Variants in ZNF8 observed in about 807,000 individuals in gnomAD.
ZNF8 encodes zinc finger protein 8, also known as zinc finger protein 272.
Under a neutral mutation model 12.2 loss-of-function variants are expected in ZNF8, and 9 were observed. That is an observed-to-expected ratio of 0.73 (90% CI 0.44 to 1.28). The LOEUF (loss-of-function observed/expected upper bound fraction) is 1.28. Among genes scored for constraint, ZNF8 ranks in the 50% most tolerant of loss-of-function variants. The probability of loss-of-function intolerance (pLI) is 0.00; values close to 1 mark genes in which losing one functional copy is unlikely to be tolerated. For synonymous variants in ZNF8, 274 were observed against 282.3 expected, an observed-to-expected ratio of 0.97 and a Z score of 0.30; for missense variants, 664 against 729.1, an observed-to-expected ratio of 0.91 and a Z score of 1.03.
At position 58,294,373 on chromosome 19, in the gene ZNF8, A is replaced by G; in HGVS notation, c.565A>G (p.Asn189Asp). 1.9e-6 allele frequency: 3 copies of G among 1,614,094 alleles called. No individual in the cohort carries two copies. Among genetic ancestry groups the G allele is most frequent in the East Asian group, 2.2e-5 (1 of 44,880 alleles). ...AAACTGCGTCCTGAGTTCAAGCCCA[A>G]ATCCATTCCCAGAGATCTCTAGAGG... ...RENCVLSSSP[N>D]PFPEISRGEY... The change falls in exon 4 of 4, where the codon AAT (asparagine) becomes GAT (aspartate). Residue 189 changes from asparagine to aspartate, a missense_variant. By Grantham distance (23) the Asn-to-Asp change is conservative. Around this residue, in one of 3 missense-constraint regions of ZNF8, gnomAD observed 306 missense variants for 308.7 expected, o/e 0.99. Transcript: ENST00000621650. The surrounding 1 kb of genome is among the most constrained non-coding windows in gnomAD (Gnocchi z 5.5).
At position 58,297,788 on chromosome 19, in the gene ZNF8, T is replaced by G. The variant is rs8107581; in HGVS notation, c.*2252T>G. On this transcript the variant is annotated 3_prime_UTR_variant, in exon 4 of 4. Transcript: ENST00000621650. ...CCATCTACCTCCCCACCATTCTCCT[T>G]CCCTGGATATATATATAACCATGTT... is the stretch of plus-strand genomic sequence containing the variant. 0.64 allele frequency: 97,987 copies of G among 152,106 alleles called. 32,598 individuals carry two copies. Among genetic ancestry groups the G allele is most frequent in the African/African-American group, 0.8 (33,332 of 41,504 alleles). The allele number at this position is 152,106 out of a possible 1,614,324, so 9.4% of individuals were successfully genotyped here.
chr19:58,294,658 C>T lies in ZNF8; in HGVS notation c.850C>T (p.Pro284Ser). The change falls in exon 4 of 4, where the codon CCT becomes TCT. Residue 284 changes from proline to serine, a missense_variant. Around this residue, in one of 3 missense-constraint regions of ZNF8, gnomAD observed 133 missense variants for 198.4 expected, o/e 0.67. Coordinates refer to ENST00000621650, the MANE Select transcript of ZNF8 (RefSeq NM_021089.3). The surrounding 1 kb of genome is among the most constrained non-coding windows in gnomAD (Gnocchi z 5.5). ...VHKRIHTGERPYMCKECGKAF... is the reference protein window; with the variant it reads ...VHKRIHTGERSYMCKECGKAF... Reference sequence around the variant, plus strand: ...CAAGAGGATTCATACGGGAGAAAGACCTTATATGTGCAAGGAGTGTGGGAA... The same window carrying T: ...CAAGAGGATTCATACGGGAGAAAGATCTTATATGTGCAAGGAGTGTGGGAA... 2 of 1,614,180 alleles carry T rather than the reference C, an allele frequency of 1.2e-6. No individual in the cohort carries two copies. Among genetic ancestry groups the T allele is most frequent in the East Asian group, 2.2e-5 (1 of 44,888 alleles).
Position 58,301,752 on chromosome 19 carries a change from C to T in ZNF8, c.*6216C>T, listed in dbSNP as rs990989034. On this transcript the variant is annotated 3_prime_UTR_variant, in exon 4 of 4. Transcript: ENST00000621650. ...GATGAAGCAATCAACTGGAACTCAA[C>T]AAGCCTTGAGTTCTCAAAGGGGGTG... is the stretch of plus-strand genomic sequence containing the variant. The T allele has an allele frequency of 6.6e-6, 1 of 152,198 alleles. No homozygotes were observed. Among genetic ancestry groups the T allele is most frequent in the Non-Finnish European group, 1.5e-5 (1 of 68,030 alleles). 9.4% of individuals were successfully genotyped at this position (152,198 alleles called of 1,614,324 possible). A position where few individuals can be genotyped will look rare whatever the true frequency, so the allele number is the denominator to read the frequency against.
chr19:58,291,275 C>CAGGGAA (rs962694648), intron 3 of ZNF8, among the ~76,000 whole-genome samples: 1 of 152,192 alleles, frequency 6.6e-6, no homozygotes, highest in Non-Finnish European at 1.5e-5. Context: ...ATCAACTGCT[C>CAGGGAA]ACCCTCTCTC....
At chr19:58,290,248 C>G (rs577649691) in intron 3 of ZNF8, among the ~76,000 whole-genome samples, 6 of 148,552 alleles carry the variant, frequency 4.0e-5, no homozygotes, top group African/African-American at 1.5e-4. Flanking sequence ...GTAGCTGGGA[C>G]TACAGGTGCC....
rs144259440 is a variant in ZNF8, at chr19:58,294,359, T to C, written c.551T>C (p.Leu184Pro). 2,777 of 1,614,152 alleles carry C rather than the reference T, an allele frequency of 1.7e-3. 7 individuals carry two copies. Among genetic ancestry groups the C allele is most frequent in the Non-Finnish European group, 2.1e-3 (2,449 of 1,180,030 alleles). Residue 184 changes from leucine (L) to proline (P), a missense_variant, in exon 4 of 4, where the codon CTG (leucine) becomes CCG (proline). Physicochemically the swap from Leu to Pro is moderately conservative, Grantham distance 98 (BLOSUM62 -3). Around this residue, in one of 3 missense-constraint regions of ZNF8, gnomAD observed 306 missense variants for 308.7 expected, o/e 0.99. Coordinates refer to ENST00000621650, the MANE Select transcript of ZNF8 (RefSeq NM_021089.3). The surrounding 1 kb of genome is among the most constrained non-coding windows in gnomAD (Gnocchi z 5.5). ...CTCAGACTCAGGGAAAACTGCGTCC[T>C]GAGTTCAAGCCCAAATCCATTCCCA... ...KTLRLRENCVLSSSPNPFPEI... is the reference protein window; with the variant it reads ...KTLRLRENCVPSSSPNPFPEI...
chr19:58,295,211 A>G lies in ZNF8; in HGVS notation c.1403A>G (p.Lys468Arg). 1 of 1,614,220 alleles carries G rather than the reference A, an allele frequency of 6.2e-7. No individual in the cohort carries two copies. Among genetic ancestry groups the G allele is most frequent in the Admixed American group, 1.7e-5 (1 of 60,028 alleles). ...ACTCACCGAAGCGACAGACCCTTCA[A>G]ATGTAATCAGTGTGGGAAGTGTTTC... is the stretch of plus-strand genomic sequence containing the variant. Reference protein sequence around the residue: ...ERTHRSDRPFKCNQCGKCFIQ... With the variant: ...ERTHRSDRPFRCNQCGKCFIQ... The change falls in exon 4 of 4, where the codon AAA becomes AGA. Residue 468 changes from lysine (K) to arginine (R), a missense_variant. Lys to Arg is a conservative substitution (Grantham distance 26). Around this residue, in one of 3 missense-constraint regions of ZNF8, gnomAD observed 225 missense variants for 222.0 expected, o/e 1.01. Transcript: ENST00000621650.
At chr19:58,285,913 A>G in intron 2 of ZNF8, 70 bp downstream of exon 2, 1 of 1,547,254 alleles carries the variant, frequency 6.5e-7, no homozygotes, top group South Asian at 1.3e-5. Context: ...CTCTGGTGTG[A>G]GGACCTGACC....
At position 58,299,278 on chromosome 19, in the gene ZNF8, A is replaced by G. The variant is rs1485797655; in HGVS notation, c.*3742A>G. The G allele has an allele frequency of 6.6e-6, 1 of 151,382 alleles. No individual in the cohort carries two copies. Among genetic ancestry groups the G allele is most frequent in the Non-Finnish European group, 1.5e-5 (1 of 67,904 alleles). 9.4% of individuals were successfully genotyped at this position (151,382 alleles called of 1,614,324 possible). A position where few individuals can be genotyped will look rare whatever the true frequency, so the allele number is the denominator to read the frequency against. ...CAGGCGCCCGCCACCACGCCCGGCA[A>G]ATTTTTTGCGTTTTTAGTAGAGACG... is the stretch of plus-strand genomic sequence containing the variant. On this transcript the variant is annotated 3_prime_UTR_variant, in exon 4 of 4. Coordinates refer to ENST00000621650, the MANE Select transcript of ZNF8 (RefSeq NM_021089.3).
In ZNF8 at chr19:58,278,976, C is replaced by T. The variant is rs997247577; in HGVS notation, c.-106C>T. The T allele has an allele frequency of 3.9e-6, 5 of 1,294,326 alleles. No individual in the cohort carries two copies. Among genetic ancestry groups the T allele is most frequent in the African/African-American group, 1.5e-5 (1 of 65,360 alleles). The allele number at this position is 1,294,326 out of a possible 1,614,324, so 80.2% of individuals were successfully genotyped here. A position where few individuals can be genotyped will look rare whatever the true frequency, so the allele number is the denominator to read the frequency against. ...AGTTGTAGTCGCCGCGTCGCCGGTGCGGCCGCCATTGTCCGGCGTTCGGCG... is the reference window on the plus strand; with the variant it reads ...AGTTGTAGTCGCCGCGTCGCCGGTGTGGCCGCCATTGTCCGGCGTTCGGCG... On this transcript the variant is annotated 5_prime_UTR_variant, in exon 1 of 4. Coordinates refer to ENST00000621650, the MANE Select transcript of ZNF8 (RefSeq NM_021089.3).
intron 1 of ZNF8, among the ~76,000 whole-genome samples, chr19:58,284,656 C>T (rs2051371793): frequency 6.6e-6 from 1 of 152,170 alleles, no homozygotes; most frequent in African/African-American, 2.4e-5. Flanking sequence ...CGAGACCAAC[C>T]TGGCCAACAT....
rs1192472299 is a variant in ZNF8 at position 58,302,442 on chromosome 19, TACAC to T, written c.*6910_*6913del. Reference sequence around the variant, plus strand: ...TACATAGTGTACACTAAATTTTACATACACACAGAGGAATATATATGTGTATAGT... The same window carrying T: ...TACATAGTGTACACTAAATTTTACATACAGAGGAATATATATGTGTATAGT... On this transcript the variant is annotated 3_prime_UTR_variant, in exon 4 of 4. Transcript: ENST00000621650. 5.3e-5 allele frequency: 8 copies of T among 152,274 alleles called. No individual in the cohort carries two copies. Among genetic ancestry groups the T allele is most frequent in the Admixed American group, 1.3e-4 (2 of 15,290 alleles). 9.4% of individuals were successfully genotyped at this position (152,274 alleles called of 1,614,324 possible).
rs758738706 is a variant in ZNF8 at position 58,295,520 on chromosome 19, T to G, written c.1712T>G (p.Ile571Ser). 6.2e-7 allele frequency: 1 copy of G among 1,601,818 alleles called. No individual in the cohort carries two copies. Among genetic ancestry groups the G allele is most frequent in the South Asian group, 1.1e-5 (1 of 90,028 alleles). ...PSVGASMLFD[I>S]REST ...GTGGGTGCTTCCATGTTATTTGACA[T>G]CAGAGAATCCACATAGGAGAGAAAC... Residue 571 changes from isoleucine to serine, a missense_variant, in exon 4 of 4, where the codon ATC becomes AGC. Transcript: ENST00000621650.
Position 58,302,309 on chromosome 19 carries a change from T to C in ZNF8, c.*6773T>C, listed in dbSNP as rs751542667. ...ATAAAAGTAAAAAAAAAATGAAAAC[T>C]TGTGTAAAATTCCTCATACTTTAGC... On this transcript the variant is annotated 3_prime_UTR_variant, in exon 4 of 4. Transcript: ENST00000621650. 6.6e-6 allele frequency: 1 copy of C among 152,202 alleles called. No homozygotes were observed. The highest frequency in any genetic ancestry group is 1.5e-5 in the Non-Finnish European group (1 of 68,034). 9.4% of individuals were successfully genotyped at this position (152,202 alleles called of 1,614,324 possible).
intron 1 of ZNF8, among the ~76,000 whole-genome samples, chr19:58,285,509 T>G (rs932680037): frequency 3.3e-5 from 5 of 152,168 alleles, no homozygotes; most frequent in African/African-American, 9.7e-5. Flanking sequence ...TTGTTGATCT[T>G]GGTGAGTCCT....
At position 58,294,343 on chromosome 19, in the gene ZNF8, A is replaced by G. The variant is rs2147960982; in HGVS notation, c.535A>G (p.Arg179Gly). 1 of 1,614,178 alleles carries G rather than the reference A, an allele frequency of 6.2e-7. No homozygotes were observed. The highest frequency in any genetic ancestry group is 8.5e-7 in the Non-Finnish European group (1 of 1,180,030). ...QDQGYKTLRL[R>G]ENCVLSSSPN... ...TCAAGGCTACAAAACTCTCAGACTCAGGGAAAACTGCGTCCTGAGTTCAAG... is the reference window on the plus strand; with the variant it reads ...TCAAGGCTACAAAACTCTCAGACTCGGGGAAAACTGCGTCCTGAGTTCAAG... Residue 179 changes from arginine (R) to glycine (G), a missense_variant, in exon 4 of 4, where the codon AGG (arginine) becomes GGG (glycine). By Grantham distance (125) the Arg-to-Gly change is moderately radical. Coordinates refer to ENST00000621650, the MANE Select transcript of ZNF8 (RefSeq NM_021089.3). The surrounding 1 kb of genome is among the most constrained non-coding windows in gnomAD (Gnocchi z 5.5).
At position 58,286,112 on chromosome 19, in the gene ZNF8, C is replaced by A; in HGVS notation, c.196C>A (p.Pro66Thr). Residue 66 changes from proline to threonine, a missense_variant and splice_region_variant, in exon 3 of 4, where the codon CCT becomes ACT. Around this residue, in one of 3 missense-constraint regions of ZNF8, gnomAD observed 306 missense variants for 308.7 expected, o/e 0.99. Coordinates refer to ENST00000621650, the MANE Select transcript of ZNF8 (RefSeq NM_021089.3). ...CCTGTGTTTTTCCCCATTTCCAGGT[C>A]CTGAGCTTCCGAAGCCTGAAGTCAT... is the stretch of plus-strand genomic sequence containing the variant. ...ETFGHLLSIG[P>T]ELPKPEVISQ... 6.2e-7 allele frequency: 1 copy of A among 1,613,930 alleles called. No individual in the cohort carries two copies. Among genetic ancestry groups the A allele is most frequent in the Non-Finnish European group, 8.5e-7 (1 of 1,179,970 alleles).
At chr19:58,291,338 G>C (rs1318586050) in intron 3 of ZNF8, among the ~76,000 whole-genome samples, 1 of 152,168 alleles carries the variant, frequency 6.6e-6, no homozygotes, top group Non-Finnish European at 1.5e-5. Flanking sequence ...GTTCTGGGCA[G>C]CCAGGAGTCA....
Position 58,295,516 on chromosome 19 carries a change from G to T in ZNF8, c.1708G>T (p.Asp570Tyr), listed in dbSNP as rs1293008844. ...TTCTGTGGGTGCTTCCATGTTATTTGACATCAGAGAATCCACATAGGAGAG... is the reference window on the plus strand; with the variant it reads ...TTCTGTGGGTGCTTCCATGTTATTTTACATCAGAGAATCCACATAGGAGAG... ...EPSVGASMLF[D>Y]IREST Residue 570 changes from aspartate (D) to tyrosine (Y), a missense_variant, in exon 4 of 4, where the codon GAC becomes TAC. Coordinates refer to ENST00000621650, the MANE Select transcript of ZNF8 (RefSeq NM_021089.3). 5 of 1,601,094 alleles carry T rather than the reference G, an allele frequency of 3.1e-6. No individual in the cohort carries two copies. The African/African-American group carries it at 6.7e-5, about 22-fold the overall frequency.
Sources: allele counts gnomAD v4.1 joint callset (sites outside exome capture counted in the v4.1 genomes callset), GRCh38; gene constraint gnomAD v4.1.1; regional missense constraint gnomAD v4.1.1; non-coding constraint Gnocchi (gnomAD v3.1); transcripts MANE v1.5; gene names NCBI Gene and HGNC (gene_info 2026-07-23, HGNC 2026-07-21).